The following HMX1 variants were observed in gnomAD, a reference collection of about 807,000 sequenced individuals.
HMX1 encodes homeobox protein HMX1.
HMX1 carries 8 observed loss-of-function variants against 8.9 expected under a neutral mutation model. That is an observed-to-expected ratio of 0.90 (90% CI 0.53 to 1.63). HMX1 has a LOEUF of 1.63. HMX1 is among the 40% of genes most tolerant of loss of function. The pLI is 0.00. For synonymous variants in HMX1, 311 were observed against 283.4 expected, an observed-to-expected ratio of 1.10 and a Z score of -0.98; for missense variants, 621 against 558.5, an observed-to-expected ratio of 1.11 and a Z score of -1.13.
At position 8,868,043 on chromosome 4, in the gene HMX1, G is replaced by C; in HGVS notation, c.697C>G (p.Arg233Gly). Residue 233 changes from arginine (R) to glycine (G), a missense_variant, in exon 2 of 2, where the codon CGC becomes GGC. Arg to Gly is a moderately radical substitution (Grantham distance 125). Transcript: ENST00000400677. The surrounding 1 kb of genome is among the most constrained non-coding windows in gnomAD (Gnocchi z 4.6). ...TGCAGGGAGGCGGCCAGGCCGGCGC[G>C]CTCGGCGCTGCTCAGGTAGCGCTTC... ...DLKRYLSSAE[R>G]AGLAASLQLT... is the part of the protein sequence containing the mutation. 6.5e-7 allele frequency: 1 copy of C among 1,532,032 alleles called. No individual in the cohort carries two copies. The allele number at this position is 1,532,032 out of a possible 1,614,324, so 94.9% of individuals were successfully genotyped here. A position where few individuals can be genotyped will look rare whatever the true frequency, so the allele number is the denominator to read the frequency against.
chr4:8,865,790 C>A (rs1721976512), downstream of HMX1, among the ~76,000 whole-genome samples: 2 of 152,170 alleles, frequency 1.3e-5, 1 homozygote, highest in South Asian at 4.1e-4. Flanking sequence ...TAACCTGAGT[C>A]CCTCCCAGAT....
downstream of HMX1, chr4:8,866,983 G>T: frequency 1.2e-6 from 1 of 806,398 alleles, no homozygotes; most frequent in Non-Finnish European, 1.5e-6. Context: ...GGTGCTCCCA[G>T]GAGGGACGGC....
intron 1 of HMX1, among the ~76,000 whole-genome samples, chr4:8,858,133 C>T (rs1721675284): frequency 6.6e-6 from 1 of 151,994 alleles, no homozygotes; most frequent in Admixed American, 6.5e-5. Context: ...CGGTCGAGGC[C>T]CCCGTCCATT....
intron 1 of HMX1, among the ~76,000 whole-genome samples, chr4:8,856,014 C>T (rs1358383923): frequency 6.6e-6 from 1 of 152,116 alleles, no homozygotes; most frequent in Admixed American, 6.5e-5. Context: ...ACAACAGGAC[C>T]ACAGAAAACC....
downstream of HMX1, among the ~76,000 whole-genome samples, chr4:8,866,218 C>A (rs7293260): frequency 0.027 from 4,055 of 152,262 alleles, 179 homozygotes; most frequent in African/African-American, 0.094. Context: ...GCCCACTGCA[C>A]GCTCTCCTTG....
At chr4:8,865,667 G>C (rs1259180817), downstream of HMX1, among the ~76,000 whole-genome samples, 1 of 152,200 alleles carries the variant, frequency 6.6e-6, no homozygotes, top group African/African-American at 2.4e-5. Context: ...GGGGTCAGAA[G>C]GGGCGGGGGG....
At position 8,867,096 on chromosome 4, in the gene HMX1, T is replaced by A; in HGVS notation, c.*597A>T. 1 of 985,434 alleles carries A rather than the reference T, an allele frequency of 1.0e-6. No individual in the cohort carries two copies. The highest frequency in any genetic ancestry group is 1.2e-6 in the Non-Finnish European group (1 of 829,932). The allele number at this position is 985,434 out of a possible 1,614,324, so 61.0% of individuals were successfully genotyped here. ...CCATACGCAAATAAGTAGATTCATT[T>A]AAAAAAACAACAACCCGGAGGCTGC... On this transcript the variant is annotated 3_prime_UTR_variant, in exon 2 of 2. Coordinates refer to ENST00000400677, the MANE Select transcript of HMX1 (RefSeq NM_018942.3).
Position 8,849,622 on chromosome 4 carries a change from C to T in HMX1, c.395-3298G>A, listed in dbSNP as rs952444412. ...GGTCCCGGCAGCCCCAGGACACTCA[C>T]GGAGACACACGCAGGGCAGCTCTCC... On this transcript the variant is annotated intron_variant, in intron 1 of 1. Transcript: ENST00000506970. The surrounding 1 kb of genome is among the most constrained non-coding windows in gnomAD (Gnocchi z 6.6). 3.3e-5 allele frequency among the ~76,000 whole-genome samples: 5 copies of T among 152,168 alleles called. No individual in the cohort carries two copies. Among genetic ancestry groups the T allele is most frequent in the South Asian group, 2.1e-4 (1 of 4,822 alleles).
At chr4:8,855,927 C>T (rs1410371867) in intron 1 of HMX1, among the ~76,000 whole-genome samples, 1 of 152,196 alleles carries the variant, frequency 6.6e-6, no homozygotes, top group Non-Finnish European at 1.5e-5. Flanking sequence ...CCTCCCCACT[C>T]AATGTGGTGG....
chr4:8,846,238 T>C, exon 2 of HMX1: 11 of 1,533,520 alleles, frequency 7.2e-6, no homozygotes, highest in Non-Finnish European at 8.7e-6. Flanking sequence ...AGGCTCCCAC[T>C]GTCACTTCTG....
At chr4:8,856,672 T>A (rs775338143) in intron 1 of HMX1, among the ~76,000 whole-genome samples, 4 of 152,196 alleles carry the variant, frequency 2.6e-5, no homozygotes, top group Non-Finnish European at 4.4e-5. Context: ...TACATTCACT[T>A]CCCATTTTGA....
chr4:8,861,969 G>A (rs1423071002), intron 1 of HMX1, among the ~76,000 whole-genome samples: 1 of 152,244 alleles, frequency 6.6e-6, no homozygotes, highest in Non-Finnish European at 1.5e-5. Context: ...GACTCGGGCT[G>A]GGGAGCCGGG....
chr4:8,846,478 G>C (rs1490829727), intron 1 of HMX1, among the ~76,000 whole-genome samples: 3 of 152,228 alleles, frequency 2.0e-5, no homozygotes, highest in Non-Finnish European at 4.4e-5. Flanking sequence ...GACTCCCCGG[G>C]AACTTGTCAA....
chr4:8,863,513 C>T (rs1222554741), downstream of HMX1, among the ~76,000 whole-genome samples: 2 of 152,244 alleles, frequency 1.3e-5, no homozygotes, highest in Non-Finnish European at 1.5e-5. Context: ...GGGCACTGGG[C>T]ACCCCTCCCC....
chr4:8,853,013 A>C lies in HMX1; in HGVS notation c.395-6689T>G, dbSNP rs1264488797. On this transcript the variant is annotated intron_variant, in intron 1 of 1. Coordinates refer to the HMX1 transcript ENST00000506970. The surrounding 1 kb of genome is among the most constrained non-coding windows in gnomAD (Gnocchi z 4.7). ...AAAAAAAAAAAAGCAAGATAGAAGG[A>C]GTCCCTGGGTTCCTGGCCACACTAG... Among the ~76,000 whole-genome samples, 1 of 150,454 alleles carries C rather than the reference A, an allele frequency of 6.6e-6. No individual in the cohort carries two copies. Among genetic ancestry groups the C allele is most frequent in the Admixed American group, 6.6e-5 (1 of 15,114 alleles).
At position 8,867,670 on chromosome 4, in the gene HMX1, G is replaced by GGA; in HGVS notation, c.*21_*22dup. 8.1e-7 allele frequency: 1 copy of GGA among 1,239,308 alleles called. No homozygotes were observed. The highest frequency in any genetic ancestry group is 1.6e-5 in the African/African-American group (1 of 64,322). 76.8% of individuals were successfully genotyped at this position (1,239,308 alleles called of 1,614,324 possible). A position where few individuals can be genotyped will look rare whatever the true frequency, so the allele number is the denominator to read the frequency against. On this transcript the variant is annotated 3_prime_UTR_variant, in exon 2 of 2. Coordinates refer to ENST00000400677, the MANE Select transcript of HMX1 (RefSeq NM_018942.3). ...TCCACACAGGTCCACAGGGTCGTGG[G>GGA]GAGAGGGCCCGGCAGGCGGGGCTCA...
At chr4:8,850,259 C>T (rs1455665542) in intron 1 of HMX1, among the ~76,000 whole-genome samples, 5 of 152,110 alleles carry the variant, frequency 3.3e-5, no homozygotes, top group South Asian at 2.1e-4. Context: ...GACCTCTGCC[C>T]GTGCCCGCCT....
chr4:8,864,218 G>A (rs998890541), downstream of HMX1, among the ~76,000 whole-genome samples: 1 of 152,242 alleles, frequency 6.6e-6, no homozygotes, highest in Non-Finnish European at 1.5e-5. Context: ...TCTCACCATA[G>A]GTGTGCGGTG....
chr4:8,854,027 T>TC (rs1721535185), intron 1 of HMX1, among the ~76,000 whole-genome samples: 1 of 152,192 alleles, frequency 6.6e-6, no homozygotes, highest in Non-Finnish European at 1.5e-5. Flanking sequence ...TGCCCTGCCA[T>TC]CCCTTCCTGC....
Sources: allele counts gnomAD v4.1 joint callset (sites outside exome capture counted in the v4.1 genomes callset), GRCh38; gene constraint gnomAD v4.1.1; non-coding constraint Gnocchi (gnomAD v3.1); transcripts MANE v1.5; gene names NCBI Gene and HGNC (gene_info 2026-07-23, HGNC 2026-07-21).